The following LAPTM5 variants were observed in gnomAD, a reference collection of about 807,000 sequenced individuals.
LAPTM5 encodes the protein lysosomal-associated transmembrane protein 5.
Under a neutral mutation model 30.1 loss-of-function variants are expected in LAPTM5, and 11 were observed. The observed-to-expected ratio is 0.37, with a 90% CI of 0.23 to 0.60. LAPTM5 has a LOEUF of 0.60. Among genes scored for constraint, LAPTM5 ranks in the 20% least tolerant of loss-of-function variants. The probability of loss-of-function intolerance (pLI) is 0.71; values close to 1 mark genes in which losing one functional copy is unlikely to be tolerated. For missense variants in LAPTM5, 324 were observed against 332.5 expected (o/e 0.97, Z 0.20); for synonymous variants, 151 against 137.9 (o/e 1.10, Z -0.67).
chr1:30,742,446 C>A lies in LAPTM5; in HGVS notation c.181+10G>T. On this transcript the variant is annotated intron_variant, in intron 2 of 7. Coordinates refer to ENST00000294507, the MANE Select transcript of LAPTM5 (RefSeq NM_006762.3). ...CCCCCCGCCACTCCACCGGCGTCCC[C>A]TGGACCTACCGATCCTGAGGTAGCC... 1 of 1,608,982 alleles carries A rather than the reference C, an allele frequency of 6.2e-7. No individual in the cohort carries two copies. Among genetic ancestry groups the A allele is most frequent in the Non-Finnish European group, 8.5e-7 (1 of 1,176,782 alleles).
intron 1 of LAPTM5, among the ~76,000 whole-genome samples, chr1:30,757,424 G>A (rs1297180429): frequency 6.6e-6 from 1 of 152,250 alleles, no homozygotes; most frequent in Non-Finnish European, 1.5e-5. Flanking sequence ...TGCCTGGAAA[G>A]TGGATTCCAG....
chr1:30,741,177 C>T (rs1236243488), intron 3 of LAPTM5, among the ~76,000 whole-genome samples: 1 of 152,134 alleles, frequency 6.6e-6, no homozygotes, highest in African/African-American at 2.4e-5. Context: ...GGCGTAGGTC[C>T]CCCTCAGGGT....
At position 30,733,283 on chromosome 1, in the gene LAPTM5, A is replaced by C; in HGVS notation, c.*545T>G. On this transcript the variant is annotated 3_prime_UTR_variant, in exon 8 of 8. Coordinates refer to ENST00000294507, the MANE Select transcript of LAPTM5 (RefSeq NM_006762.3). ...ATTCTATTTATCACTATTCTAAATG[A>C]CTCATGGTTGGCTAATTGATTATCA... The C allele has an allele frequency of 4.2e-6, 1 of 236,140 alleles. No individual in the cohort carries two copies. Among genetic ancestry groups the C allele is most frequent in the Non-Finnish European group, 8.6e-6 (1 of 116,094 alleles). 14.6% of individuals were successfully genotyped at this position (236,140 alleles called of 1,614,324 possible).
chr1:30,744,643 T>G (rs1640018427), intron 1 of LAPTM5, among the ~76,000 whole-genome samples: 1 of 152,188 alleles, frequency 6.6e-6, no homozygotes, highest in Non-Finnish European at 1.5e-5. Context: ...ATAAGCTTCC[T>G]CTGCTTGTTT....
chr1:30,739,912 A>G lies in LAPTM5; in HGVS notation c.284T>C (p.Phe95Ser), dbSNP rs768949774. The part of the protein sequence containing the change: ...VKNREKYLLP[F>S]LSLQIMDYLL... ...ATAGTCCATGATTTGCAGGGACAGG[A>G]AGGGCAGCAGGTACTTCTCCCGGTT... Residue 95 changes from phenylalanine (F) to serine (S), a missense_variant, in exon 4 of 8, where the codon TTC (phenylalanine) becomes TCC (serine). Transcript: ENST00000294507. This position sits in a 1 kb window ranked among gnomAD's most constrained non-coding sequence, Gnocchi z 4.2. 1.4e-5 allele frequency: 23 copies of G among 1,604,254 alleles called. No individual in the cohort carries two copies. Among genetic ancestry groups the G allele is most frequent in the Non-Finnish European group, 2.0e-5 (23 of 1,174,264 alleles).
At chr1:30,735,840 C>A (rs1557459791) in intron 6 of LAPTM5, among the ~76,000 whole-genome samples, 1 of 152,102 alleles carries the variant, frequency 6.6e-6, no homozygotes, top group African/African-American at 2.4e-5. Flanking sequence ...CCCCAGGATG[C>A]CCCCTGAGTA....
At chr1:30,745,481 C>T (rs1640029699) in intron 1 of LAPTM5, among the ~76,000 whole-genome samples, 1 of 151,122 alleles carries the variant, frequency 6.6e-6, no homozygotes, top group Admixed American at 6.6e-5. Context: ...GGTATTTCTA[C>T]TTTTGTGAAA....
chr1:30,737,388 G>T (rs1426446717), intron 6 of LAPTM5, among the ~76,000 whole-genome samples: 1 of 152,142 alleles, frequency 6.6e-6, no homozygotes, highest in Non-Finnish European at 1.5e-5. Flanking sequence ...AACGCAGGTG[G>T]CCTTTACGGA....
intron 6 of LAPTM5, among the ~76,000 whole-genome samples, chr1:30,735,855 G>A (rs577017654): frequency 2.6e-4 from 40 of 152,268 alleles, no homozygotes; most frequent in Non-Finnish European, 5.3e-4. Flanking sequence ...TGAGTAAGAG[G>A]AGAGGGTCCT....
At chr1:30,745,004 A>G (rs12079273) in intron 1 of LAPTM5, among the ~76,000 whole-genome samples, 11,065 of 152,206 alleles carry the variant, frequency 0.073, 997 homozygotes, top group African/African-American at 0.2. Context: ...TCCTGAGGCC[A>G]TGAGGTCACC....
chr1:30,745,401 G>A (rs1413208887), intron 1 of LAPTM5, among the ~76,000 whole-genome samples: 2 of 152,138 alleles, frequency 1.3e-5, no homozygotes. Context: ...TGGAGGCAGA[G>A]AGGCGCCCCC....
intron 1 of LAPTM5, among the ~76,000 whole-genome samples, chr1:30,753,211 A>G (rs756310339): frequency 1.3e-5 from 2 of 152,222 alleles, no homozygotes; most frequent in African/African-American, 2.4e-5. Flanking sequence ...ATTTATTTAT[A>G]TAATAAACTG....
At chr1:30,756,412 G>A (rs182869382) in intron 1 of LAPTM5, among the ~76,000 whole-genome samples, 58 of 152,292 alleles carry the variant, frequency 3.8e-4, no homozygotes, top group African/African-American at 1.4e-3. Flanking sequence ...GTCAGGCGTG[G>A]TTCTGCATGC....
intron 1 of LAPTM5, among the ~76,000 whole-genome samples, chr1:30,751,477 G>A (rs1331320311): frequency 1.3e-5 from 2 of 152,224 alleles, no homozygotes; most frequent in South Asian, 2.1e-4. Context: ...TATGGCCCAC[G>A]CCTATAATCC....
At chr1:30,751,398 C>T (rs1405762135) in intron 1 of LAPTM5, among the ~76,000 whole-genome samples, 2 of 152,232 alleles carry the variant, frequency 1.3e-5, no homozygotes, top group Non-Finnish European at 2.9e-5. Context: ...GTTTTCCCCA[C>T]CTGGCAGTTT....
chr1:30,750,508 C>T (rs1167118001), intron 1 of LAPTM5, among the ~76,000 whole-genome samples: 2 of 152,176 alleles, frequency 1.3e-5, no homozygotes, highest in African/African-American at 4.8e-5. Flanking sequence ...GTGTCAACCT[C>T]GCGCCAGTCT....
At chr1:30,737,731 T>A in intron 5 of LAPTM5, 32 bp from the exon 6 acceptor site, 1 of 1,441,046 alleles carries the variant, frequency 6.9e-7, no homozygotes, top group South Asian at 1.1e-5. Context: ...CATCAATGTC[T>A]CTGGACATAA....
At chr1:30,743,108 T>C (rs1036589945) in intron 1 of LAPTM5, among the ~76,000 whole-genome samples, 1 of 152,178 alleles carries the variant, frequency 6.6e-6, no homozygotes, top group Non-Finnish European at 1.5e-5. Flanking sequence ...CTGTCTCCCA[T>C]GGCCCCTCAG....
chr1:30,743,460 T>C (rs1243793979), intron 1 of LAPTM5, among the ~76,000 whole-genome samples: 2 of 152,196 alleles, frequency 1.3e-5, no homozygotes, highest in African/African-American at 2.4e-5. Context: ...TTAAAGAACC[T>C]TGGAGGTCAC....
Sources: allele counts gnomAD v4.1 joint callset (sites outside exome capture counted in the v4.1 genomes callset), GRCh38; gene constraint gnomAD v4.1.1; non-coding constraint Gnocchi (gnomAD v3.1); transcripts MANE v1.5; gene names NCBI Gene and HGNC (gene_info 2026-07-23, HGNC 2026-07-21).